The following DLG2 variants were observed in gnomAD, a reference collection of about 807,000 sequenced individuals.
DLG2 encodes the protein discs large MAGUK scaffold protein 2.
A neutral mutation model predicts 132.5 loss-of-function variants in DLG2; 45 were observed. That is an observed-to-expected ratio of 0.34 (90% CI 0.27 to 0.44). The LOEUF is 0.44. DLG2 is among the 20% of genes least tolerant of loss of function. DLG2 has a pLI of 1.00. For synonymous variants in DLG2, 424 were observed against 419.6 expected (o/e 1.01, Z -0.13); for missense variants, 1,045 against 1,196.9 (o/e 0.87, Z 1.87).
intron 3 of DLG2, among the ~76,000 whole-genome samples, chr11:85,339,962 T>C (rs555365829): frequency 6.6e-6 from 1 of 152,244 alleles, no homozygotes; most frequent in African/African-American, 2.4e-5. Flanking sequence ...CCAGTTAGAA[T>C]GGAGGTCATT....
intron 6 of DLG2, among the ~76,000 whole-genome samples, chr11:84,993,703 G>A (rs2057366557): frequency 6.6e-6 from 1 of 152,100 alleles, no homozygotes; most frequent in African/African-American, 2.4e-5. Flanking sequence ...ACCTCTAATG[G>A]TGTTTACTCA....
intron 6 of DLG2, among the ~76,000 whole-genome samples, chr11:84,849,166 C>A (rs375009809): frequency 2.3e-4 from 35 of 152,222 alleles, no homozygotes; most frequent in African/African-American, 8.4e-4. Context: ...AACCAACAGT[C>A]AAACAGCGTA....
chr11:83,831,068 G>A (rs2054356838), intron 17 of DLG2, among the ~76,000 whole-genome samples: 2 of 152,102 alleles, frequency 1.3e-5, no homozygotes, highest in African/African-American at 4.8e-5. Context: ...TTTTTCATTC[G>A]ATAAACACTT....
intron 4 of DLG2, among the ~76,000 whole-genome samples, chr11:85,236,378 T>A (rs556654671): frequency 1.3e-5 from 2 of 152,032 alleles, no homozygotes; most frequent in Admixed American, 6.6e-5. Flanking sequence ...CTGAGTAGAT[T>A]TCCTCTGAGA....
chr11:85,315,395 T>G (rs1329858170), intron 3 of DLG2, among the ~76,000 whole-genome samples: 2 of 152,002 alleles, frequency 1.3e-5, no homozygotes, highest in Non-Finnish European at 2.9e-5. Flanking sequence ...AAGGACTCCC[T>G]GCATACCATT....
At chr11:83,607,865 G>T (rs1566030946) in intron 19 of DLG2, among the ~76,000 whole-genome samples, 1 of 152,218 alleles carries the variant, frequency 6.6e-6, no homozygotes, top group Admixed American at 6.5e-5. Context: ...AGCCAGACAT[G>T]AAAGAACAAA....
At chr11:85,085,817 C>T (rs2067849537) in intron 6 of DLG2, among the ~76,000 whole-genome samples, 1 of 152,140 alleles carries the variant, frequency 6.6e-6, no homozygotes, top group African/African-American at 2.4e-5. Context: ...CTTAAACACT[C>T]ACTACATTGC....
chr11:83,962,938 T>G lies in DLG2; in HGVS notation c.1287A>C (p.Pro429=), dbSNP rs768133029. The G allele has an allele frequency of 6.2e-7, 1 of 1,613,266 alleles. No individual in the cohort carries two copies. Among genetic ancestry groups the G allele is most frequent in the South Asian group, 1.1e-5 (1 of 91,072 alleles). ...EYKTSLPPIS[P]GRYSPIPKHM... is the part of the protein sequence containing the mutation. ...GCTTTGGAATTGGTGAGTACCTTCC[T>G]GGAGAGATGGGTGGCAGGGAGGTTT... Residue 429 remains proline, a synonymous_variant, in exon 14 of 28, where the codon CCA becomes CCC. Transcript: ENST00000376104.
intron 6 of DLG2, among the ~76,000 whole-genome samples, chr11:84,934,527 T>G (rs1320925730): frequency 7.8e-6 from 1 of 128,258 alleles, no homozygotes; most frequent in Non-Finnish European, 1.7e-5. Flanking sequence ...TTTGTTTTGT[T>G]TTTTTTTTTT....
intron 6 of DLG2, among the ~76,000 whole-genome samples, chr11:85,104,606 A>T (rs529155856): frequency 6.6e-6 from 1 of 151,988 alleles, no homozygotes; most frequent in African/African-American, 2.4e-5. Context: ...GGTCATAAAA[A>T]TGTCCCAGAA....
chr11:85,403,995 C>G (rs2088469588), intron 3 of DLG2, among the ~76,000 whole-genome samples: 1 of 152,008 alleles, frequency 6.6e-6, no homozygotes, highest in Non-Finnish European at 1.5e-5. Flanking sequence ...GCCACCAAGC[C>G]TCTAACTTGC....
chr11:85,003,183 G>A (rs1201885937), intron 6 of DLG2, among the ~76,000 whole-genome samples: 2 of 152,026 alleles, frequency 1.3e-5, no homozygotes, highest in African/African-American at 2.4e-5. Context: ...AACAGGGGAA[G>A]GCTTAATATG....
intron 18 of DLG2, among the ~76,000 whole-genome samples, chr11:83,681,599 C>T (rs1055133819): frequency 1.3e-5 from 2 of 152,262 alleles, no homozygotes; most frequent in Non-Finnish European, 2.9e-5. Context: ...CTGATCCCAT[C>T]CCGGCAAAAC....
At chr11:83,875,456 G>C (rs1473283179) in intron 15 of DLG2, among the ~76,000 whole-genome samples, 2 of 152,070 alleles carry the variant, frequency 1.3e-5, no homozygotes, top group South Asian at 4.1e-4. Flanking sequence ...TGCCTGAAAT[G>C]GCATTGAGAC....
At chr11:85,018,553 C>G (rs1400118511) in intron 6 of DLG2, among the ~76,000 whole-genome samples, 1 of 152,124 alleles carries the variant, frequency 6.6e-6, no homozygotes, top group Non-Finnish European at 1.5e-5. Context: ...ATAGCAGCCA[C>G]GGATCTCACA....
chr11:85,626,909 A>C (rs1036339822), intron 1 of DLG2, among the ~76,000 whole-genome samples, 156 bp from the exon 2 acceptor site: 2 of 152,224 alleles, frequency 1.3e-5, no homozygotes, highest in Non-Finnish European at 2.9e-5. Flanking sequence ...AAATTATTGT[A>C]AACATGAAGA....
intron 6 of DLG2, among the ~76,000 whole-genome samples, chr11:84,735,790 C>G (rs1449311436): frequency 1.3e-5 from 2 of 152,006 alleles, no homozygotes; most frequent in Non-Finnish European, 2.9e-5. Context: ...ATAAATTTCC[C>G]TCTACACACT....
chr11:84,541,837 G>A (rs997385867), intron 6 of DLG2, among the ~76,000 whole-genome samples: 2 of 152,154 alleles, frequency 1.3e-5, no homozygotes, highest in Non-Finnish European at 1.5e-5. Context: ...AAAAGGCTAA[G>A]GAAGTCTGAC....
intron 11 of DLG2, among the ~76,000 whole-genome samples, chr11:84,013,532 A>C (rs2094998188): frequency 6.6e-6 from 1 of 152,120 alleles, no homozygotes; most frequent in African/African-American, 2.4e-5. Context: ...AATAGAACTG[A>C]TTTGACCTCT....
Sources: gnomAD v4.1 joint callset for allele counts (sites outside exome capture counted in the v4.1 genomes callset) on GRCh38, gnomAD v4.1.1 for gene constraint, MANE v1.5 for transcripts, NCBI Gene and HGNC (gene_info 2026-07-23, HGNC 2026-07-21) for gene names.